Variants in HCN4 observed in about 807,000 individuals in gnomAD.
HCN4 encodes the protein hyperpolarization activated cyclic nucleotide gated potassium channel 4, also known as potassium/sodium hyperpolarization-activated cyclic nucleotide-gated channel 4.
Under a neutral mutation model 76.9 loss-of-function variants are expected in HCN4, and 29 were observed. The observed-to-expected ratio is 0.38, with a 90% CI of 0.28 to 0.51. The LOEUF (loss-of-function observed/expected upper bound fraction) is 0.51. HCN4 is among the 20% of genes least tolerant of loss of function. The pLI, the probability that HCN4 is intolerant of heterozygous loss-of-function variation, is 0.90. For missense variants in HCN4, 1,416 were observed against 1,715.2 expected, an observed-to-expected ratio of 0.83 and a Z score of 3.08; for synonymous variants, 772 against 762.5, an observed-to-expected ratio of 1.01 and a Z score of -0.21.
Position 73,328,508 on chromosome 15 carries a change from G to A in HCN4, c.1590+1065C>T, listed in dbSNP as rs2151216622. 6.6e-6 allele frequency among the ~76,000 whole-genome samples: 1 copy of A among 152,174 alleles called. No individual in the cohort carries two copies. Among genetic ancestry groups the A allele is most frequent in the South Asian group, 2.1e-4 (1 of 4,826 alleles). ...TGTTTTAGATGCCGCTCCAACTGCT[G>A]TGTGAGGTGTGCAGTGGAAGGTGCC... On this transcript the variant is annotated intron_variant, in intron 4 of 7. Coordinates refer to ENST00000261917, the MANE Select transcript of HCN4 (RefSeq NM_005477.3). This position sits in a 1 kb window ranked among gnomAD's most constrained non-coding sequence, Gnocchi z 4.0.
At chr15:73,329,181 G>A (rs1245367672) in intron 4 of HCN4, among the ~76,000 whole-genome samples, 1 of 152,178 alleles carries the variant, frequency 6.6e-6, no homozygotes, top group African/African-American at 2.4e-5. Flanking sequence ...GCAAATGGGG[G>A]CAGGGGACTG....
intron 1 of HCN4, among the ~76,000 whole-genome samples, chr15:73,344,170 A>C (rs1595829407): frequency 1.3e-5 from 2 of 152,014 alleles, no homozygotes; most frequent in Admixed American, 1.3e-4. Context: ...CTCACCCCAC[A>C]CCACCCCAGG....
chr15:73,338,645 C>A (rs962513294), intron 2 of HCN4, among the ~76,000 whole-genome samples: 1 of 152,208 alleles, frequency 6.6e-6, no homozygotes, highest in African/African-American at 2.4e-5. Flanking sequence ...CAAGGAGAGG[C>A]CAGAAATTGG....
rs1213728752 is a variant in HCN4 at position 73,322,284 on chromosome 15, T to C, written c.*197A>G. 6 of 389,172 alleles carry C rather than the reference T, an allele frequency of 1.5e-5. No individual in the cohort carries two copies. The highest frequency in any genetic ancestry group is 3.0e-5 in the Non-Finnish European group (6 of 201,600). The allele number at this position is 389,172 out of a possible 1,614,324, so 24.1% of individuals were successfully genotyped here. A position where few individuals can be genotyped will look rare whatever the true frequency, so the allele number is the denominator to read the frequency against. ...CTCCCTCTAGTGCTGAGTATTAAAA[T>C]AGTCTATAAAAGCAAGTGACCAAAA... On this transcript the variant is annotated 3_prime_UTR_variant, in exon 8 of 8. Coordinates refer to ENST00000261917, the MANE Select transcript of HCN4 (RefSeq NM_005477.3).
At chr15:73,337,802 C>T (rs906789916) in intron 2 of HCN4, among the ~76,000 whole-genome samples, 1 of 152,124 alleles carries the variant, frequency 6.6e-6, no homozygotes, top group Non-Finnish European at 1.5e-5. Context: ...ATGCAGCCCA[C>T]AGGGAACCTA....
chr15:73,360,708 G>A (rs2043101444), intron 1 of HCN4, among the ~76,000 whole-genome samples: 1 of 152,176 alleles, frequency 6.6e-6, no homozygotes, highest in African/African-American at 2.4e-5. Context: ...CCATCGTGAA[G>A]AATAAATGAA....
In HCN4 at chr15:73,338,351, C is replaced by T. The variant is rs951923479; in HGVS notation, c.1209+5034G>A. On this transcript the variant is annotated intron_variant, in intron 2 of 7. Transcript: ENST00000261917. ...GCCACTACAAGCCTTGCCCGTCAGG[C>T]GGTCCAGGCAGCTCACTCTGCCACA... Among the ~76,000 whole-genome samples the T allele has an allele frequency of 3.9e-5, 6 of 152,236 alleles. No individual in the cohort carries two copies. In the South Asian group the frequency reaches 6.2e-4, roughly 16 times the overall value.
chr15:73,332,072 C>T, intron 3 of HCN4, 59 bp downstream of exon 3: 1 of 1,563,844 alleles, frequency 6.4e-7, no homozygotes, highest in South Asian at 1.1e-5. Flanking sequence ...CATCTCGCCA[C>T]CCTACCTCTG....
chr15:73,332,729 A>ATCACTAAATTC (rs1397725285), intron 2 of HCN4, among the ~76,000 whole-genome samples: 36 of 152,138 alleles, frequency 2.4e-4, no homozygotes, highest in African/African-American at 8.4e-4. Flanking sequence ...CCCTAAATCT[A>ATCACTAAATTC]TCACTAAATT....
rs770942098 is a variant in HCN4 at position 73,323,283 on chromosome 15, T to A, written c.2810A>T (p.Gln937Leu). Residue 937 changes from glutamine (Q) to leucine (L), a missense_variant, in exon 8 of 8, where the codon CAG (glutamine) becomes CTG (leucine). Coordinates refer to ENST00000261917, the MANE Select transcript of HCN4 (RefSeq NM_005477.3). Reference sequence around the variant, plus strand: ...TGGCGCGGGAGATGGCTGGGCAGCCTGCGGGGAGCGGGCGCCTGGCTGCAG... The same window carrying A: ...TGGCGCGGGAGATGGCTGGGCAGCCAGCGGGGAGCGGGCGCCTGGCTGCAG... ...TPLQPGARSPQAAQPSPAPPG... is the reference protein window; with the variant it reads ...TPLQPGARSPLAAQPSPAPPG... 2 of 1,534,406 alleles carry A rather than the reference T, an allele frequency of 1.3e-6. No homozygotes were observed. Among genetic ancestry groups the A allele is most frequent in the Non-Finnish European group, 1.8e-6 (2 of 1,139,146 alleles).
chr15:73,368,611 G>T lies in HCN4; in HGVS notation c.-341C>A, dbSNP rs1595837938. 12 of 173,126 alleles carry T rather than the reference G, an allele frequency of 6.9e-5. No individual in the cohort carries two copies. The East Asian group carries it at 1.8e-3, about 26-fold the overall frequency. 10.7% of individuals were successfully genotyped at this position (173,126 alleles called of 1,614,324 possible). A position where few individuals can be genotyped will look rare whatever the true frequency, so the allele number is the denominator to read the frequency against. On this transcript the variant is annotated 5_prime_UTR_variant, in exon 1 of 8. Coordinates refer to ENST00000261917, the MANE Select transcript of HCN4 (RefSeq NM_005477.3). This position sits in a 1 kb window ranked among gnomAD's most constrained non-coding sequence, Gnocchi z 6.9. ...GCCCCCGCGGGGAACAATGGGCGCCGGCCGGAGAGGCTCTGCGGCCGCGGC... is the reference window on the plus strand; with the variant it reads ...GCCCCCGCGGGGAACAATGGGCGCCTGCCGGAGAGGCTCTGCGGCCGCGGC...
chr15:73,350,662 C>A (rs2043051802), intron 1 of HCN4, among the ~76,000 whole-genome samples: 1 of 152,150 alleles, frequency 6.6e-6, no homozygotes, highest in Non-Finnish European at 1.5e-5. Context: ...TGAAGCATCT[C>A]CCCAATCCCA....
rs1027814961 is a variant in HCN4 at position 73,321,024 on chromosome 15, T to A, written c.*1457A>T. The A allele has an allele frequency of 1.1e-4, 17 of 152,182 alleles. No individual in the cohort carries two copies. The highest frequency in any genetic ancestry group is 3.9e-4 in the African/African-American group (16 of 41,436). 9.4% of individuals were successfully genotyped at this position (152,182 alleles called of 1,614,324 possible). ...TGAGGGGCAGAAGAAATGTGATTTT[T>A]TATTGAGCACCTACCATGGTATGTG... On this transcript the variant is annotated 3_prime_UTR_variant, in exon 8 of 8. Coordinates refer to ENST00000261917, the MANE Select transcript of HCN4 (RefSeq NM_005477.3).
At position 73,368,314 on chromosome 15, in the gene HCN4, G is replaced by C; in HGVS notation, c.-44C>G. The C allele has an allele frequency of 7.2e-7, 1 of 1,386,592 alleles. No individual in the cohort carries two copies. The highest frequency in any genetic ancestry group is 9.4e-7 in the Non-Finnish European group (1 of 1,062,922). 85.9% of individuals were successfully genotyped at this position (1,386,592 alleles called of 1,614,324 possible). A position where few individuals can be genotyped will look rare whatever the true frequency, so the allele number is the denominator to read the frequency against. ...CGGACCGGGCCGGGGGCAGGAGCGCGGCGCCGCGGACGGGCTCCAGGTCCG... is the reference window on the plus strand; with the variant it reads ...CGGACCGGGCCGGGGGCAGGAGCGCCGCGCCGCGGACGGGCTCCAGGTCCG... On this transcript the variant is annotated 5_prime_UTR_variant, in exon 1 of 8. Coordinates refer to ENST00000261917, the MANE Select transcript of HCN4 (RefSeq NM_005477.3). The surrounding 1 kb of genome is among the most constrained non-coding windows in gnomAD (Gnocchi z 6.9).
chr15:73,322,814 C>A lies in HCN4; in HGVS notation c.3279G>T (p.Leu1093=). The A allele has an allele frequency of 6.5e-7, 1 of 1,534,912 alleles. No homozygotes were observed. The highest frequency in any genetic ancestry group is 8.8e-7 in the Non-Finnish European group (1 of 1,141,506). ...LKLISASQPA[L]PQDGAQTLRR... ...GGAGAGTCTGCGCCCCGTCCTGAGG[C>A]AGGGCTGGCTGAGACGCGGAGATGA... The change falls in exon 8 of 8, where the codon CTG becomes CTT. Residue 1093 remains leucine, a synonymous_variant. Coordinates refer to ENST00000261917, the MANE Select transcript of HCN4 (RefSeq NM_005477.3).
chr15:73,327,734 T>A (rs2042909166), intron 4 of HCN4, among the ~76,000 whole-genome samples: 1 of 152,092 alleles, frequency 6.6e-6, no homozygotes, highest in Non-Finnish European at 1.5e-5. Flanking sequence ...GGCTAATTTC[T>A]CTGCCACCAC....
chr15:73,343,601 C>A lies in HCN4; in HGVS notation c.993G>T (p.Gln331His). Reference sequence around the variant, plus strand: ...TTTTCAGGTACTTCATTTTAATCCGCTGCGGGTCCAGGATGATCTCTGTGT... The same window carrying A: ...TTTTCAGGTACTTCATTTTAATCCGATGCGGGTCCAGGATGATCTCTGTGT... ...EDNTEIILDPQRIKMKYLKSW... is the reference protein window; with the variant it reads ...EDNTEIILDPHRIKMKYLKSW... Residue 331 changes from glutamine to histidine, a missense_variant, in exon 2 of 8, where the codon CAG (glutamine) becomes CAT (histidine). Transcript: ENST00000261917. The surrounding 1 kb of genome is among the most constrained non-coding windows in gnomAD (Gnocchi z 5.7). The A allele has an allele frequency of 6.2e-7, 1 of 1,614,116 alleles. No homozygotes were observed. Among genetic ancestry groups the A allele is most frequent in the Middle Eastern group, 1.6e-4 (1 of 6,062 alleles).
At position 73,352,335 on chromosome 15, in the gene HCN4, C is replaced by T. The variant is rs188386539; in HGVS notation, c.786-8527G>A. ...GCAGCCCTCAGAAACAGACTCCTTC[C>T]CACCAGGCTTCCACAAGCCTCCGAC... On this transcript the variant is annotated intron_variant, in intron 1 of 7. Transcript: ENST00000261917. Among the ~76,000 whole-genome samples the T allele has an allele frequency of 1.1e-4, 17 of 152,332 alleles. No homozygotes were observed. The East Asian group carries it at 2.9e-3, about 26-fold the overall frequency.
Position 73,368,030 on chromosome 15 carries a change from C to T in HCN4, c.241G>A (p.Ala81Thr). The T allele has an allele frequency of 1.4e-6, 2 of 1,434,990 alleles. No homozygotes were observed. Among genetic ancestry groups the T allele is most frequent in the South Asian group, 1.4e-5 (1 of 71,316 alleles). The allele number at this position is 1,434,990 out of a possible 1,614,324, so 88.9% of individuals were successfully genotyped here. ...ALGAADSEGP[A>T]RGAGKSSTNG... ...GTGCTGGACTTGCCCGCGCCGCGGG[C>T]CGGCCCTTCGCTGTCCGCTGCCCCG... Residue 81 changes from alanine to threonine, a missense_variant, in exon 1 of 8, where the codon GCC (alanine) becomes ACC (threonine). By Grantham distance (58) the Ala-to-Thr change is moderately conservative. Around this residue, in one of 6 missense-constraint regions of HCN4, gnomAD observed 355 missense variants for 347.8 expected, o/e 1.02. Coordinates refer to ENST00000261917, the MANE Select transcript of HCN4 (RefSeq NM_005477.3). The surrounding 1 kb of genome is among the most constrained non-coding windows in gnomAD (Gnocchi z 6.9).
Sources: gnomAD v4.1 joint callset for allele counts (sites outside exome capture counted in the v4.1 genomes callset) on GRCh38, gnomAD v4.1.1 for gene constraint, gnomAD v4.1.1 regional missense constraint, Gnocchi (gnomAD v3.1) non-coding constraint, MANE v1.5 for transcripts, NCBI Gene and HGNC (gene_info 2026-07-23, HGNC 2026-07-21) for gene names.